Variants in DOP1B observed in about 807,000 individuals in gnomAD.
The protein encoded by DOP1B is DOP1 leucine zipper like protein B.
Under a neutral mutation model 233.5 loss-of-function variants are expected in DOP1B, and 174 were observed. The observed-to-expected ratio is 0.75, with a 90% CI of 0.66 to 0.85. The LOEUF is 0.85. DOP1B is among the 40% of genes least tolerant of loss of function. The probability of loss-of-function intolerance (pLI) is 0.00; values close to 1 mark genes in which losing one functional copy is unlikely to be tolerated. For missense variants in DOP1B, 2,652 were observed against 2,846.6 expected (o/e 0.93, Z 1.56); for synonymous variants, 1,190 against 1,185.6 (o/e 1.00, Z -0.08).
intron 12 of DOP1B, among the ~76,000 whole-genome samples, chr21:36,226,423 A>T (rs1403628125): frequency 1.3e-5 from 2 of 151,352 alleles, no homozygotes; most frequent in Non-Finnish European, 2.9e-5. Context: ...TCGGCCTCCC[A>T]GGTAGCTGGG....
At position 36,200,442 on chromosome 21, in the gene DOP1B, G is replaced by T; in HGVS notation, c.432G>T (p.Leu144=). 5.6e-6 allele frequency: 9 copies of T among 1,613,234 alleles called. No homozygotes were observed. Among genetic ancestry groups the T allele is most frequent in the Non-Finnish European group, 7.6e-6 (9 of 1,180,014 alleles). Residue 144 remains leucine, a synonymous_variant, in exon 4 of 37, where the codon CTG becomes CTT. Coordinates refer to ENST00000691173, the MANE Select transcript of DOP1B (RefSeq NM_001320714.2). ...LPLQKLLLPS[L]QAFIVGLLPG... The stretch of plus-strand genomic sequence containing the variant: ...TGCAGAAGCTGCTCCTGCCCAGTCT[G>T]CAGGCCTTCATCGTGGGCCTGCTGC...
rs927360056 is a variant in DOP1B, at chr21:36,164,538, A to G, written c.-26-170A>G. The G allele has an allele frequency of 1.5e-5, 6 of 404,924 alleles. No homozygotes were observed. In the Admixed American group the frequency reaches 2.3e-4, roughly 15 times the overall value. 25.1% of individuals were successfully genotyped at this position (404,924 alleles called of 1,614,324 possible). On this transcript the variant is annotated intron_variant, in intron 1 of 36. Coordinates refer to ENST00000691173, the MANE Select transcript of DOP1B (RefSeq NM_001320714.2). ...CGAGGGCGGGAACTATTTATCTTTC[A>G]TCTCCCACAGTGCCTGGCCCAGAAG...
chr21:36,276,621 G>A (rs560367773), intron 27 of DOP1B, among the ~76,000 whole-genome samples: 1 of 152,090 alleles, frequency 6.6e-6, no homozygotes, highest in East Asian at 1.9e-4. Context: ...CAGGAGGATC[G>A]CTTGAGGCCA....
At position 36,251,161 on chromosome 21, in the gene DOP1B, G is replaced by C. The variant is rs1171989227; in HGVS notation, c.4999-1G>C. On this transcript the variant is annotated splice_acceptor_variant, in intron 21 of 36. Transcript: ENST00000691173. LOFTEE classifies it high-confidence loss of function. ...GTAACTTTTTTTTCCCTATTTTCTA[G>C]ACCATAAGACAAAAAATTTTAGACT... 6.2e-7 allele frequency: 1 copy of C among 1,603,232 alleles called. No individual in the cohort carries two copies. Among genetic ancestry groups the C allele is most frequent in the Non-Finnish European group, 8.5e-7 (1 of 1,177,348 alleles).
chr21:36,279,605 A>G (rs2067393246), intron 30 of DOP1B, among the ~76,000 whole-genome samples: 1 of 152,158 alleles, frequency 6.6e-6, no homozygotes, highest in African/African-American at 2.4e-5. Context: ...GGGGTAGCTC[A>G]TTTGGAAAGA....
intron 22 of DOP1B, 33 bp downstream of exon 22, chr21:36,251,317 C>T: frequency 1.3e-6 from 2 of 1,590,580 alleles, no homozygotes; most frequent in Non-Finnish European, 8.5e-7. Flanking sequence ...AGTGGTTAAA[C>T]TTACTGTGAC....
In DOP1B at chr21:36,281,596, C is replaced by T. The variant is rs971569867; in HGVS notation, c.6145C>T (p.Leu2049Phe). The T allele has an allele frequency of 1.9e-6, 3 of 1,595,546 alleles. No individual in the cohort carries two copies. The highest frequency in any genetic ancestry group is 1.7e-5 in the Admixed American group (1 of 59,624). ...AGAACTTGATCAATACCACCTTTAC[C>T]TTCCACTGATACAAGGTAAGACAGC... ...SGELDQYHLYLPLIQERLTDN... is the reference protein window; with the variant it reads ...SGELDQYHLYFPLIQERLTDN... Residue 2049 changes from leucine (L) to phenylalanine (F), a missense_variant, in exon 32 of 37, where the codon CTT becomes TTT. This residue lies in a region of DOP1B where 2,617 missense variants were observed against 2,794.3 expected (regional missense o/e 0.94). Coordinates refer to ENST00000691173, the MANE Select transcript of DOP1B (RefSeq NM_001320714.2).
Position 36,245,204 on chromosome 21 carries a change from C to G in DOP1B, c.3224C>G (p.Pro1075Arg), listed in dbSNP as rs774074617. 1 of 1,614,032 alleles carries G rather than the reference C, an allele frequency of 6.2e-7. No individual in the cohort carries two copies. Among genetic ancestry groups the G allele is most frequent in the Non-Finnish European group, 8.5e-7 (1 of 1,180,026 alleles). ...EAIWAEVEKE[P>R]EKYPLRGELS... ...ATTTGGGCCGAAGTGGAGAAGGAGC[C>G]CGAGAAGTACCCGCTGCGAGGCGAG... The change falls in exon 19 of 37, where the codon CCC becomes CGC. Residue 1075 changes from proline (P) to arginine (R), a missense_variant. Coordinates refer to ENST00000691173, the MANE Select transcript of DOP1B (RefSeq NM_001320714.2). This position sits in a 1 kb window ranked among gnomAD's most constrained non-coding sequence, Gnocchi z 5.5.
chr21:36,288,216 TAAC>T, intron 33 of DOP1B, 66 bp downstream of exon 33: 1 of 1,470,202 alleles, frequency 6.8e-7, no homozygotes, highest in Non-Finnish European at 9.3e-7. Flanking sequence ...TTCAGTAACA[TAAC>T]GTACTATTTC....
chr21:36,277,561 G>A (rs1360289725), intron 28 of DOP1B, among the ~76,000 whole-genome samples: 3 of 152,060 alleles, frequency 2.0e-5, no homozygotes, highest in Admixed American at 6.6e-5. Context: ...GATTACAGGC[G>A]TGACCCACCG....
intron 18 of DOP1B, among the ~76,000 whole-genome samples, chr21:36,242,222 G>T (rs2066901300): frequency 6.7e-6 from 1 of 149,652 alleles, no homozygotes; most frequent in Non-Finnish European, 1.5e-5. Flanking sequence ...GCCCAGGCTG[G>T]AGTACAGTGG....
rs143292949 is a variant in DOP1B, at chr21:36,158,458, A to G, written c.-27+1515A>G. Among the ~76,000 whole-genome samples the G allele has an allele frequency of 4.1e-4, 62 of 152,266 alleles. 1 individual carries two copies. The highest frequency in any genetic ancestry group is 3.9e-3 in the East Asian group (20 of 5,182). ...AATTTTCCGAATGGCCTGACTTCTA[A>G]TATCCTCATCTTGGGCCTAATACCC... On this transcript the variant is annotated intron_variant, in intron 1 of 36. Transcript: ENST00000691173.
chr21:36,173,130 TGA>T (rs2065988187), intron 2 of DOP1B, among the ~76,000 whole-genome samples: 1 of 152,042 alleles, frequency 6.6e-6, no homozygotes, highest in African/African-American at 2.4e-5. Context: ...AAAAAAGAGT[TGA>T]GAGTTGAATT....
At chr21:36,257,637 GAT>G (rs2067117292) in intron 23 of DOP1B, among the ~76,000 whole-genome samples, 1 of 142,242 alleles carries the variant, frequency 7.0e-6, no homozygotes. Flanking sequence ...TAGATAGATA[GAT>G]AGAAGTAGTT....
chr21:36,168,231 AC>A (rs1156608191), intron 2 of DOP1B, among the ~76,000 whole-genome samples: 3 of 151,908 alleles, frequency 2.0e-5, no homozygotes, highest in Non-Finnish European at 4.4e-5. Context: ...GACATGAGCC[AC>A]CGCGCCGAGC....
intron 4 of DOP1B, among the ~76,000 whole-genome samples, chr21:36,204,109 C>T (rs2123479223): frequency 6.6e-6 from 1 of 152,204 alleles, no homozygotes; most frequent in East Asian, 1.9e-4. Flanking sequence ...TTGACAATAT[C>T]TGGAGACAGT....
intron 32 of DOP1B, among the ~76,000 whole-genome samples, chr21:36,286,311 G>A (rs2067483667): frequency 6.6e-6 from 1 of 152,070 alleles, no homozygotes; most frequent in South Asian, 2.1e-4. Flanking sequence ...TTTGCCAAGA[G>A]AGTAGATTTT....
At chr21:36,195,166 C>T (rs1383158852) in intron 2 of DOP1B, among the ~76,000 whole-genome samples, 1 of 152,014 alleles carries the variant, frequency 6.6e-6, no homozygotes, top group Non-Finnish European at 1.5e-5. Context: ...TGTGGCTCAA[C>T]TTGTCTCTAC....
intron 2 of DOP1B, among the ~76,000 whole-genome samples, chr21:36,183,866 CTT>C (rs869202145): frequency 4.7e-4 from 65 of 137,312 alleles, no homozygotes; most frequent in Admixed American, 4.4e-4. Context: ...TACATGGTTT[CTT>C]TTTTTTTTTT....
Sources: allele counts gnomAD v4.1 joint callset (sites outside exome capture counted in the v4.1 genomes callset), GRCh38; gene constraint gnomAD v4.1.1; regional missense constraint gnomAD v4.1.1; non-coding constraint Gnocchi (gnomAD v3.1); transcripts MANE v1.5; gene names NCBI Gene and HGNC (gene_info 2026-07-23, HGNC 2026-07-21).